SBF2: variants seen among roughly 807,000 people sequenced by gnomAD.
SBF2 encodes myotubularin-related protein 13.
In SBF2, 112 loss-of-function variants were observed where a neutral mutation model predicts 225.2. The ratio of observed to expected loss-of-function variants is 0.50; its 90% CI spans 0.43 to 0.58. The LOEUF is 0.58. SBF2 is among the 20% of genes least tolerant of loss of function. The probability of loss-of-function intolerance (pLI) is 0.00; values close to 1 mark genes in which losing one functional copy is unlikely to be tolerated. For synonymous variants in SBF2, 763 were observed against 773.3 expected (o/e 0.99, Z 0.22); for missense variants, 1,996 against 2,206.2 (o/e 0.90, Z 1.91).
chr11:10,101,908 T>A (rs930360788), intron 2 of SBF2, among the ~76,000 whole-genome samples: 1 of 152,106 alleles, frequency 6.6e-6, no homozygotes, highest in East Asian at 1.9e-4. Context: ...GGCAGGCTGG[T>A]CAGTTACAAA....
At chr11:9,975,267 C>A (rs1204465499) in intron 13 of SBF2, among the ~76,000 whole-genome samples, 4 of 152,088 alleles carry the variant, frequency 2.6e-5, no homozygotes, top group Non-Finnish European at 5.9e-5. Context: ...AGTTGGTCAA[C>A]AGGTAAATAA....
intron 2 of SBF2, among the ~76,000 whole-genome samples, chr11:10,188,713 A>C (rs894577530): frequency 5.3e-5 from 8 of 152,166 alleles, no homozygotes; most frequent in African/African-American, 1.9e-4. Context: ...ATAATCTACT[A>C]CCTCACATGC....
intron 2 of SBF2, among the ~76,000 whole-genome samples, chr11:10,054,899 TTTTTTTG>T (rs1950198448): frequency 6.6e-6 from 1 of 151,968 alleles, no homozygotes; most frequent in Non-Finnish European, 1.5e-5. Flanking sequence ...TTGCATGTTT[TTTTTTTG>T]TTTTTTTGTT....
At chr11:10,143,334 G>A (rs1430526321) in intron 2 of SBF2, among the ~76,000 whole-genome samples, 2 of 152,014 alleles carry the variant, frequency 1.3e-5, no homozygotes, top group African/African-American at 4.8e-5. Context: ...CACTACGCCT[G>A]GCTAATTTTG....
chr11:10,123,982 A>C (rs1054614202), intron 2 of SBF2, among the ~76,000 whole-genome samples: 2 of 152,210 alleles, frequency 1.3e-5, no homozygotes, highest in Non-Finnish European at 2.9e-5. Flanking sequence ...TAAAGTGTGA[A>C]TATGAACAGC....
intron 13 of SBF2, among the ~76,000 whole-genome samples, chr11:9,983,220 C>T (rs1322768990): frequency 6.6e-6 from 1 of 152,200 alleles, no homozygotes; most frequent in Non-Finnish European, 1.5e-5. Flanking sequence ...TGCCTGGAAA[C>T]AGACTCAGGG....
At chr11:10,047,841 C>G (rs1949922643) in intron 2 of SBF2, among the ~76,000 whole-genome samples, 1 of 152,078 alleles carries the variant, frequency 6.6e-6, no homozygotes, top group Non-Finnish European at 1.5e-5. Context: ...GCAATTTATT[C>G]AAAATATTAT....
chr11:9,978,948 G>A (rs962836747), intron 13 of SBF2, among the ~76,000 whole-genome samples: 1 of 152,178 alleles, frequency 6.6e-6, no homozygotes, highest in Non-Finnish European at 1.5e-5. Context: ...GCAGTAAGCC[G>A]AGATTGTGCC....
chr11:10,098,394 C>T (rs1565226105), intron 2 of SBF2, among the ~76,000 whole-genome samples: 1 of 151,728 alleles, frequency 6.6e-6, no homozygotes, highest in East Asian at 1.9e-4. Context: ...AGTCTTTTCT[C>T]CTGAAGCCAG....
chr11:9,908,736 C>A (rs1323929457), intron 16 of SBF2, among the ~76,000 whole-genome samples: 2 of 151,948 alleles, frequency 1.3e-5, no homozygotes, highest in Admixed American at 1.3e-4. Context: ...CTCACTCTGT[C>A]CCCCAGGCTG....
intron 28 of SBF2, among the ~76,000 whole-genome samples, chr11:9,818,133 C>T (rs936304241): frequency 1.3e-5 from 2 of 151,850 alleles, no homozygotes; most frequent in Non-Finnish European, 2.9e-5. Flanking sequence ...TTAGTAGAGA[C>T]GGGGTTTCTT....
At chr11:10,154,806 C>A (rs1955389827) in intron 2 of SBF2, among the ~76,000 whole-genome samples, 1 of 152,122 alleles carries the variant, frequency 6.6e-6, no homozygotes, top group Non-Finnish European at 1.5e-5. Context: ...TTAGAAATAA[C>A]AAATCACCTT....
In SBF2 at chr11:10,166,449, G is replaced by A. The variant is rs576666478; in HGVS notation, c.141+27453C>T. Among the ~76,000 whole-genome samples, 5 of 152,120 alleles carry A rather than the reference G, an allele frequency of 3.3e-5. No individual in the cohort carries two copies. The South Asian group carries it at 1.0e-3, about 32-fold the overall frequency. On this transcript the variant is annotated intron_variant, in intron 2 of 39. Transcript: ENST00000256190. ...ATACAAATAACTGTCAAGCGGGGGT[G>A]GGCAGGGGAAGGGACCACAAGAGAA...
intron 16 of SBF2, among the ~76,000 whole-genome samples, chr11:9,898,039 C>T (rs554818505): frequency 1.3e-5 from 2 of 151,162 alleles, no homozygotes; most frequent in South Asian, 2.1e-4. Flanking sequence ...CACTAGTGCC[C>T]GGGAGAAGCA....
At chr11:10,045,907 T>C (rs1375170025) in intron 2 of SBF2, among the ~76,000 whole-genome samples, 3 of 152,118 alleles carry the variant, frequency 2.0e-5, no homozygotes, top group Non-Finnish European at 2.9e-5. Flanking sequence ...CAGTCAGCCC[T>C]CTGTATCTGT....
At chr11:9,803,318 C>T (rs438151) in intron 32 of SBF2, among the ~76,000 whole-genome samples, 2 of 152,044 alleles carry the variant, frequency 1.3e-5, no homozygotes, top group African/African-American at 4.8e-5. Context: ...ATTAACTTAG[C>T]CTTTTGTAGT....
chr11:10,080,189 A>G (rs1341720717), intron 2 of SBF2, among the ~76,000 whole-genome samples: 1 of 147,080 alleles, frequency 6.8e-6, no homozygotes, highest in Non-Finnish European at 1.5e-5. Flanking sequence ...CAGAGGTTGC[A>G]GTGAGCCGAG....
intron 21 of SBF2, among the ~76,000 whole-genome samples, chr11:9,851,540 C>T (rs1307038863): frequency 2.0e-5 from 3 of 152,024 alleles, no homozygotes. Flanking sequence ...ATACATTCCT[C>T]TGAAGAGTTT....
intron 2 of SBF2, among the ~76,000 whole-genome samples, chr11:10,065,009 G>C (rs1261394211): frequency 6.6e-6 from 1 of 152,068 alleles, no homozygotes; most frequent in Non-Finnish European, 1.5e-5. Context: ...TGCCAAACCA[G>C]ACCATATACT....
Sources: allele counts gnomAD v4.1 joint callset (sites outside exome capture counted in the v4.1 genomes callset), GRCh38; gene constraint gnomAD v4.1.1; transcripts MANE v1.5; gene names NCBI Gene and HGNC (gene_info 2026-07-23, HGNC 2026-07-21).